The following SEMA4D variants were observed in gnomAD, a reference collection of about 807,000 sequenced individuals.
SEMA4D encodes semaphorin 4D.
A neutral mutation model predicts 74.8 loss-of-function variants in SEMA4D; 22 were observed. That is an observed-to-expected ratio of 0.29 (90% CI 0.21 to 0.42). The LOEUF (loss-of-function observed/expected upper bound fraction) is 0.42, where lower values mean the gene tolerates loss of function less well. Among genes scored for constraint, SEMA4D ranks in the 10% least tolerant of loss-of-function variants. The pLI, the probability that SEMA4D is intolerant of heterozygous loss-of-function variation, is 1.00. For synonymous variants in SEMA4D, 445 were observed against 463.7 expected, an observed-to-expected ratio of 0.96 and a Z score of 0.52; for missense variants, 937 against 1,118.4, an observed-to-expected ratio of 0.84 and a Z score of 2.31.
chr9:89,402,766 GA>G, intron 4 of SEMA4D, 104 bp downstream of exon 4: 2 of 1,272,424 alleles, frequency 1.6e-6, no homozygotes, highest in Non-Finnish European at 2.2e-6. Flanking sequence ...CACAGCTACA[GA>G]ATGGAGGCTC....
chr9:89,360,794 T>G (rs1459278635), exon 19 of SEMA4D: 3 of 152,188 alleles, frequency 2.0e-5, no homozygotes, highest in Admixed American at 1.3e-4. Flanking sequence ...AACTGAACAA[T>G]GTACAACTCT....
intron 2 of SEMA4D, chr9:89,450,262 G>A (rs780446585): frequency 2.9e-6 from 3 of 1,027,684 alleles, no homozygotes; most frequent in African/African-American, 1.6e-5. Flanking sequence ...TCAGGAAAGG[G>A]CAAGACCAAG....
chr9:89,438,555 T>C (rs999496955), intron 2 of SEMA4D, among the ~76,000 whole-genome samples: 6 of 152,256 alleles, frequency 3.9e-5, no homozygotes, highest in African/African-American at 1.4e-4. Context: ...TGAAGCACTT[T>C]ATTCTGTCGT....
chr9:89,472,388 T>A (rs1860595877), intron 1 of SEMA4D: 1 of 366,124 alleles, frequency 2.7e-6, no homozygotes, highest in Non-Finnish European at 5.3e-6. Flanking sequence ...TGGACAGGAA[T>A]GATCACTGGG....
At chr9:89,459,768 C>T (rs2047713791) in intron 1 of SEMA4D, among the ~76,000 whole-genome samples, 1 of 152,174 alleles carries the variant, frequency 6.6e-6, no homozygotes, top group South Asian at 2.1e-4. Flanking sequence ...GGACCAAGGT[C>T]CTCAGCTGGT....
intron 13 of SEMA4D, chr9:89,384,605 G>A (rs954260126): frequency 4.3e-6 from 4 of 940,796 alleles, no homozygotes; most frequent in Non-Finnish European, 3.8e-6. Context: ...TGCCACTGAC[G>A]TGCACAATGA....
intron 2 of SEMA4D, among the ~76,000 whole-genome samples, chr9:89,420,774 C>A (rs1846759366): frequency 6.6e-6 from 1 of 152,218 alleles, no homozygotes; most frequent in South Asian, 2.1e-4. Context: ...GTTGTGTGTT[C>A]CTGAGGGAAG....
chr9:89,431,556 G>T (rs1006401064), intron 2 of SEMA4D, among the ~76,000 whole-genome samples: 10 of 152,156 alleles, frequency 6.6e-5, no homozygotes, highest in Non-Finnish European at 1.3e-4. Flanking sequence ...GCAATGCAAC[G>T]GTGCAATCAT....
chr9:89,400,037 C>T (rs1390380853), intron 4 of SEMA4D, among the ~76,000 whole-genome samples: 1 of 126,564 alleles, frequency 7.9e-6, no homozygotes, highest in African/African-American at 2.8e-5. Flanking sequence ...AAAAAAGTGA[C>T]TCTACAGTCC....
intron 2 of SEMA4D, chr9:89,418,197 G>A: frequency 1.3e-6 from 1 of 778,308 alleles, no homozygotes; most frequent in Non-Finnish European, 1.6e-6. Context: ...CTCCTAGAAA[G>A]GCACTGAAAA....
intron 9 of SEMA4D, 134 bp downstream of exon 9, chr9:89,391,130 A>G: frequency 1.2e-6 from 1 of 842,492 alleles, no homozygotes. Flanking sequence ...ATCCATTGAG[A>G]GCTGCATCTG....
At chr9:89,461,424 C>T (rs545101622) in intron 1 of SEMA4D, among the ~76,000 whole-genome samples, 3 of 152,266 alleles carry the variant, frequency 2.0e-5, no homozygotes, top group Admixed American at 1.3e-4. Context: ...AAGCAGCACT[C>T]GGGCTCCAAA....
chr9:89,472,901 C>A (rs1399305720), intron 1 of SEMA4D, among the ~76,000 whole-genome samples: 1 of 151,718 alleles, frequency 6.6e-6, no homozygotes, highest in African/African-American at 2.4e-5. Flanking sequence ...TGAGACCAGC[C>A]TGGGCAACAT....
intron 16 of SEMA4D, among the ~76,000 whole-genome samples, chr9:89,371,937 GT>G (rs1834995236): frequency 1.1e-5 from 1 of 94,354 alleles, no homozygotes; most frequent in African/African-American, 4.3e-5. Flanking sequence ...TGTGTGTGGG[GT>G]GTGGTGTGTG....
At chr9:89,385,013 GTC>G in intron 13 of SEMA4D, 2 of 985,364 alleles carry the variant, frequency 2.0e-6, no homozygotes, top group Non-Finnish European at 2.4e-6. Context: ...GGGTCGGGTG[GTC>G]CAGTAGGACC....
intron 5 of SEMA4D, 145 bp downstream of exon 5, chr9:89,399,131 G>C: frequency 7.4e-6 from 5 of 673,856 alleles, no homozygotes; most frequent in South Asian, 1.8e-5. Flanking sequence ...GCTCCAAGAC[G>C]CATCACAACA....
chr9:89,448,705 G>T (rs906122172), intron 2 of SEMA4D, among the ~76,000 whole-genome samples: 1 of 152,200 alleles, frequency 6.6e-6, no homozygotes, highest in Non-Finnish European at 1.5e-5. Flanking sequence ...GGGCTTCACT[G>T]GCGGGCATGA....
At chr9:89,369,835 C>T (rs555279449) in intron 16 of SEMA4D, among the ~76,000 whole-genome samples, 1 of 152,236 alleles carries the variant, frequency 6.6e-6, no homozygotes. Flanking sequence ...CCAATAAACC[C>T]ACTGTGAGTT....
chr9:89,418,032 A>C, intron 2 of SEMA4D: 1 of 952,916 alleles, frequency 1.0e-6, no homozygotes, highest in Non-Finnish European at 1.2e-6. Flanking sequence ...CTGAAATTAC[A>C]GATCATGAAT....
Sources: allele counts gnomAD v4.1 joint callset (sites outside exome capture counted in the v4.1 genomes callset), GRCh38; gene constraint gnomAD v4.1.1; transcripts MANE v1.5; gene names NCBI Gene and HGNC (gene_info 2026-07-23, HGNC 2026-07-21).